Variants in FRMD4B observed in about 807,000 individuals in gnomAD.
FRMD4B encodes the protein FERM domain-containing protein 4B.
In FRMD4B, 74 loss-of-function variants were observed where a neutral mutation model predicts 141.5. The ratio of observed to expected loss-of-function variants is 0.52; its 90% CI spans 0.43 to 0.63. The LOEUF is 0.63. Ranked by LOEUF, FRMD4B falls within the 30% of genes least tolerant of loss-of-function variation. The probability of loss-of-function intolerance (pLI) is 0.00; values close to 1 mark genes in which losing one functional copy is unlikely to be tolerated. For missense variants in FRMD4B, 1,366 were observed against 1,253.4 expected, an observed-to-expected ratio of 1.09 and a Z score of -1.36; for synonymous variants, 506 against 467.9, an observed-to-expected ratio of 1.08 and a Z score of -1.05.
intron 4 of FRMD4B, among the ~76,000 whole-genome samples, chr3:69,293,862 C>T (rs1575700829): frequency 1.9e-5 from 2 of 104,648 alleles, no homozygotes; most frequent in Admixed American, 1.5e-4. Flanking sequence ...GCCTGGGTGA[C>T]AGAGCTAGAT....
chr3:69,537,722 A>G (rs1405043679), intron 1 of FRMD4B, among the ~76,000 whole-genome samples: 1 of 152,250 alleles, frequency 6.6e-6, no homozygotes, highest in African/African-American at 2.4e-5. Context: ...TTCCTTATAC[A>G]CATGAAAAAT....
chr3:69,538,074 G>A (rs1466750344), intron 1 of FRMD4B, among the ~76,000 whole-genome samples: 1 of 152,206 alleles, frequency 6.6e-6, no homozygotes, highest in Non-Finnish European at 1.5e-5. Flanking sequence ...ACTGGGGAAG[G>A]GGAGTTCTTT....
intron 17 of FRMD4B, among the ~76,000 whole-genome samples, chr3:69,191,388 C>T (rs2092835264): frequency 6.6e-6 from 1 of 152,128 alleles, no homozygotes; most frequent in Non-Finnish European, 1.5e-5. Context: ...CCACTGCACT[C>T]CAGGCTGGGT....
At chr3:69,399,862 G>A (rs139853623) in intron 2 of FRMD4B, among the ~76,000 whole-genome samples, 6 of 152,290 alleles carry the variant, frequency 3.9e-5, no homozygotes, top group African/African-American at 1.4e-4. Context: ...CATGGGTGCA[G>A]GGACCATGCC....
rs1383952332 is a variant in FRMD4B at position 69,471,547 on chromosome 3, A to T, written c.-128-38786T>A. 3 of 250,630 alleles carry T rather than the reference A, an allele frequency of 1.2e-5. No homozygotes were observed. The Admixed American group carries it at 1.2e-4, about 10-fold the overall frequency. 15.5% of individuals were successfully genotyped at this position (250,630 alleles called of 1,614,324 possible). ...GTCAATGTGTGTCCTATAAAGGTTA[A>T]TTAGGACTCCAAGATATCTCAAACT... On this transcript the variant is annotated intron_variant, in intron 1 of 5. Coordinates refer to the FRMD4B transcript ENST00000459638.
chr3:69,292,437 G>A lies in FRMD4B; in HGVS notation c.417-4601C>T, dbSNP rs1391181712. Among the ~76,000 whole-genome samples, 7 of 152,320 alleles carry A rather than the reference G, an allele frequency of 4.6e-5. No individual in the cohort carries two copies. The East Asian group carries it at 1.2e-3, about 25-fold the overall frequency. On this transcript the variant is annotated intron_variant, in intron 4 of 22. Coordinates refer to ENST00000398540, the MANE Select transcript of FRMD4B (RefSeq NM_015123.3). ...GCTTGGCACCAAATCAATTTGTAGC[G>A]CATCCAACTTTGAACAGATACCTTT...
chr3:69,507,990 A>T (rs1284293222), intron 1 of FRMD4B, among the ~76,000 whole-genome samples: 2 of 152,178 alleles, frequency 1.3e-5, no homozygotes, highest in East Asian at 3.8e-4. Context: ...AAGAACAGGG[A>T]TTTCCCACAT....
At chr3:69,189,827 C>G (rs550235061) in intron 18 of FRMD4B, 69 bp downstream of exon 18, 8 of 952,326 alleles carry the variant, frequency 8.4e-6, no homozygotes, top group South Asian at 5.8e-5. Context: ...CCTTACTTAA[C>G]TAAGAAAATT....
At chr3:69,526,172 G>C (rs1028835890) in intron 1 of FRMD4B, among the ~76,000 whole-genome samples, 2 of 152,152 alleles carry the variant, frequency 1.3e-5, no homozygotes, top group Non-Finnish European at 2.9e-5. Flanking sequence ...CCTCCCAGAA[G>C]TAGCCCTCAG....
chr3:69,202,427 T>G lies in FRMD4B; in HGVS notation c.877-3653A>C, dbSNP rs113165427. On this transcript the variant is annotated intron_variant, in intron 11 of 22. Transcript: ENST00000398540. ...ACACATACACTTGTAATTTTCATAT[T>G]AAAACAGAAAAATGTATTTTGCCCA... Among the ~76,000 whole-genome samples, 97 of 150,576 alleles carry G rather than the reference T, an allele frequency of 6.4e-4. 1 individual carries two copies. The highest frequency in any genetic ancestry group is 2.0e-3 in the African/African-American group (81 of 40,886).
At chr3:69,179,395 G>T (rs915133196) in intron 21 of FRMD4B, among the ~76,000 whole-genome samples, 1 of 152,108 alleles carries the variant, frequency 6.6e-6, no homozygotes, top group African/African-American at 2.4e-5. Flanking sequence ...TTCTGCCCAG[G>T]TTTGACCTGT....
At chr3:69,537,445 A>G (rs963050396) in intron 1 of FRMD4B, among the ~76,000 whole-genome samples, 1 of 152,216 alleles carries the variant, frequency 6.6e-6, no homozygotes, top group South Asian at 2.1e-4. Context: ...TTGCTCTAAG[A>G]CACTACTTAA....
At chr3:69,484,204 AC>A (rs1559541890) in intron 1 of FRMD4B, among the ~76,000 whole-genome samples, 1 of 152,212 alleles carries the variant, frequency 6.6e-6, no homozygotes, top group Non-Finnish European at 1.5e-5. Context: ...GTGAAGAGCA[AC>A]AGAAGAATGA....
chr3:69,471,186 T>C (rs1440475968), intron 1 of FRMD4B, among the ~76,000 whole-genome samples: 2 of 152,188 alleles, frequency 1.3e-5, no homozygotes, highest in African/African-American at 4.8e-5. Context: ...AAAGTTTAAT[T>C]CCTTAGATAA....
At chr3:69,518,603 C>T (rs1383327212) in intron 1 of FRMD4B, among the ~76,000 whole-genome samples, 1 of 152,180 alleles carries the variant, frequency 6.6e-6, no homozygotes, top group Non-Finnish European at 1.5e-5. Context: ...GAGAATGTAA[C>T]ACCTGGTGTT....
At chr3:69,407,973 G>A (rs1273444567) in intron 2 of FRMD4B, among the ~76,000 whole-genome samples, 8 of 152,142 alleles carry the variant, frequency 5.3e-5, no homozygotes, top group Non-Finnish European at 1.5e-5. Context: ...GGCGTTTACT[G>A]ACCTAGGTCA....
intron 1 of FRMD4B, among the ~76,000 whole-genome samples, chr3:69,537,945 G>A (rs892867888): frequency 2.6e-5 from 4 of 152,210 alleles, no homozygotes; most frequent in African/African-American, 9.7e-5. Context: ...ACATGGTCTG[G>A]GTAGGACTCC....
chr3:69,243,922 T>C (rs2093406316), intron 7 of FRMD4B, among the ~76,000 whole-genome samples: 1 of 152,186 alleles, frequency 6.6e-6, no homozygotes, highest in African/African-American at 2.4e-5. Flanking sequence ...GGTGCTCATC[T>C]GTAATTCCAG....
chr3:69,290,798 C>G (rs2107093252), intron 4 of FRMD4B, among the ~76,000 whole-genome samples: 1 of 152,262 alleles, frequency 6.6e-6, no homozygotes, highest in Admixed American at 6.5e-5. Context: ...TTTTAGAGAT[C>G]TGCCTACCTG....
Sources: gnomAD v4.1 joint callset for allele counts (sites outside exome capture counted in the v4.1 genomes callset) on GRCh38, gnomAD v4.1.1 for gene constraint, MANE v1.5 for transcripts, NCBI Gene and HGNC (gene_info 2026-07-23, HGNC 2026-07-21) for gene names.